Variants in SACS observed in about 807,000 individuals in gnomAD.
The protein encoded by SACS is sacsin.
In SACS, 197 loss-of-function variants were observed where a neutral mutation model predicts 348.0. That is an observed-to-expected ratio of 0.57 (90% CI 0.50 to 0.64). SACS has a LOEUF of 0.64. Among genes scored for constraint, SACS ranks in the 30% least tolerant of loss-of-function variants. SACS has a pLI of 0.00. For synonymous variants in SACS, 1,985 were observed against 1,910.6 expected (o/e 1.04, Z -1.02); for missense variants, 4,999 against 5,360.8 (o/e 0.93, Z 2.11).
In SACS at chr13:23,330,365, G is replaced by A; in HGVS notation, c.13511C>T (p.Ala4504Val). Residue 4504 changes from alanine to valine, a missense_variant, in exon 10 of 10, where the codon GCA becomes GTA. This residue lies in a region of SACS where 254 missense variants were observed against 275.1 expected (regional missense o/e 0.92). Coordinates refer to ENST00000382292, the MANE Select transcript of SACS (RefSeq NM_014363.6). ...ATATTCCTCTATTTTCTGAGCAAGT[G>A]CAGTTGGTTTTACATCTTTATCAGA... is the stretch of plus-strand genomic sequence containing the variant. Reference protein sequence around the residue: ...GKSDKDVKPTALAQKIEEYSQ... With the variant: ...GKSDKDVKPTVLAQKIEEYSQ... 1 of 1,614,156 alleles carries A rather than the reference G, an allele frequency of 6.2e-7. No individual in the cohort carries two copies. The highest frequency in any genetic ancestry group is 8.5e-7 in the Non-Finnish European group (1 of 1,180,020).
intron 2 of SACS, 76 bp downstream of exon 2, chr13:23,411,144 G>T: frequency 7.7e-7 from 1 of 1,296,462 alleles, no homozygotes; most frequent in Non-Finnish European, 1.1e-6. Flanking sequence ...TTTTGCCTAT[G>T]TTTCATTTGG....
intron 4 of SACS, among the ~76,000 whole-genome samples, chr13:23,370,289 A>T (rs1282236729): frequency 6.6e-6 from 1 of 152,244 alleles, no homozygotes; most frequent in South Asian, 2.1e-4. Flanking sequence ...TTTATTGAGT[A>T]CAACTCAAAT....
chr13:23,371,093 C>T lies in SACS; in HGVS notation c.244G>A (p.Gly82Ser). 6.2e-7 allele frequency: 1 copy of T among 1,604,590 alleles called. No individual in the cohort carries two copies. Among genetic ancestry groups the T allele is most frequent in the Non-Finnish European group, 8.5e-7 (1 of 1,171,766 alleles). ...AATATTATACCTCCCCCTTTTAAGC[C>T]TTTTGATTGAAGGTTTACAAAAAGA... ...CHLFVNLQSKGLKGGGRFGQT... is the reference protein window; with the variant it reads ...CHLFVNLQSKSLKGGGRFGQT... The change falls in exon 4 of 10, where the codon GGC becomes AGC. Residue 82 changes from glycine (G) to serine (S), a missense_variant. Gly to Ser is a moderately conservative substitution (Grantham distance 56, BLOSUM62 0). This residue lies in a region of SACS where 3,156 missense variants were observed against 3,380.1 expected (regional missense o/e 0.93). Coordinates refer to ENST00000382292, the MANE Select transcript of SACS (RefSeq NM_014363.6).
intron 2 of SACS, among the ~76,000 whole-genome samples, chr13:23,410,762 G>A (rs1005134490): frequency 1.3e-5 from 2 of 151,992 alleles, no homozygotes; most frequent in African/African-American, 4.8e-5. Flanking sequence ...TTGAGAAAAA[G>A]AGCAAGCATT....
rs1027336196 is a variant in SACS, at chr13:23,332,661, C to T, written c.11215G>A (p.Val3739Ile). Residue 3739 changes from valine to isoleucine, a missense_variant, in exon 10 of 10, where the codon GTT (valine) becomes ATT (isoleucine). Transcript: ENST00000382292. ...TTATCAAGAGGAGGATCCAGGTTAACATTAAGCATATTTAAAACTTGTTCA... is the reference window on the plus strand; with the variant it reads ...TTATCAAGAGGAGGATCCAGGTTAATATTAAGCATATTTAAAACTTGTTCA... ...QLEQVLNMLN[V>I]NLDPPLDKVI... The T allele has an allele frequency of 4.3e-6, 7 of 1,613,812 alleles. No individual in the cohort carries two copies. Among genetic ancestry groups the T allele is most frequent in the Middle Eastern group, 1.6e-4 (1 of 6,062 alleles).
At chr13:23,402,521 G>A (rs552077224) in intron 2 of SACS, among the ~76,000 whole-genome samples, 1 of 152,136 alleles carries the variant, frequency 6.6e-6, no homozygotes, top group East Asian at 1.9e-4. Context: ...ATTTGCATAA[G>A]TTCAATAGGA....
At chr13:23,402,362 T>G (rs1024766977) in intron 2 of SACS, among the ~76,000 whole-genome samples, 2 of 152,212 alleles carry the variant, frequency 1.3e-5, no homozygotes, top group African/African-American at 4.8e-5. Flanking sequence ...TCTGTTAAGC[T>G]ATCTATAACA....
At chr13:23,351,937 A>C (rs539047242) in intron 9 of SACS, among the ~76,000 whole-genome samples, 1 of 152,188 alleles carries the variant, frequency 6.6e-6, no homozygotes, top group Non-Finnish European at 1.5e-5. Flanking sequence ...AAGACATATA[A>C]AAGTGGGAAA....
intron 1 of SACS, among the ~76,000 whole-genome samples, chr13:23,424,867 A>G (rs971208364): frequency 1.3e-5 from 2 of 152,234 alleles, no homozygotes; most frequent in African/African-American, 4.8e-5. Flanking sequence ...GGTTTTGTAG[A>G]ATCTAAACAA....
Position 23,339,828 on chromosome 13 carries a change from G to A in SACS, c.4048C>T (p.Gln1350Ter). ...YLKSDQDLSE[Q>*]ESKQNLHLML... ...AGATGAAGATTTTGTTTGCTTTCTT[G>A]TTCACTGAGATCTTGGTCACTTTTG... The change falls in exon 10 of 10, where the codon CAA becomes TAA. Residue 1350 changes from glutamine (Q) to a stop codon, truncating the protein, a stop_gained. Transcript: ENST00000382292. LOFTEE classifies it high-confidence loss of function. The A allele has an allele frequency of 1.2e-6, 2 of 1,613,044 alleles. No homozygotes were observed. Among genetic ancestry groups the A allele is most frequent in the Non-Finnish European group, 1.7e-6 (2 of 1,179,484 alleles).
At chr13:23,373,273 T>A (rs1871507330) in intron 3 of SACS, 2 of 152,254 alleles carry the variant, frequency 1.3e-5, no homozygotes. Flanking sequence ...AATCAGCCTC[T>A]CCAACTGCCA....
intron 2 of SACS, among the ~76,000 whole-genome samples, chr13:23,380,616 C>T (rs1176065591): frequency 6.6e-6 from 1 of 152,178 alleles, no homozygotes; most frequent in Non-Finnish European, 1.5e-5. Context: ...GCTTTGCAAA[C>T]ACTATCTTAT....
intron 4 of SACS, among the ~76,000 whole-genome samples, chr13:23,370,015 C>T (rs1400568307): frequency 2.0e-5 from 3 of 151,918 alleles, no homozygotes; most frequent in Admixed American, 6.6e-5. Flanking sequence ...CGTGCCACTA[C>T]ACCTGGCTAA....
At position 23,355,261 on chromosome 13, in the gene SACS, G is replaced by A. The variant is rs1479070958; in HGVS notation, c.1351C>T (p.Pro451Ser). Residue 451 changes from proline to serine, a missense_variant, in exon 8 of 10, where the codon CCA (proline) becomes TCA (serine). Coordinates refer to ENST00000382292, the MANE Select transcript of SACS (RefSeq NM_014363.6). ...SGKAFCFLPL[P>S]PGEESSTGLP... ...CCTGTGCTGCTTTCCTCACCAGGTG[G>A]TAAAGGAAGGAAACAAAATGCTTTT... The A allele has an allele frequency of 1.2e-6, 2 of 1,614,186 alleles. No individual in the cohort carries two copies. The highest frequency in any genetic ancestry group is 1.7e-6 in the Non-Finnish European group (2 of 1,180,048).
At chr13:23,426,684 G>C (rs949814132) in intron 1 of SACS, among the ~76,000 whole-genome samples, 7 of 152,090 alleles carry the variant, frequency 4.6e-5, no homozygotes, top group Non-Finnish European at 7.4e-5. Context: ...GTCTGGAAAG[G>C]GGGGACAACT....
chr13:23,416,856 T>C (rs1443552438), intron 1 of SACS, among the ~76,000 whole-genome samples: 1 of 151,816 alleles, frequency 6.6e-6, no homozygotes, highest in Non-Finnish European at 1.5e-5. Flanking sequence ...CTATTTTTAC[T>C]CAGCATGTTT....
chr13:23,335,432 A>T lies in SACS; in HGVS notation c.8444T>A (p.Leu2815His). Reference sequence around the variant, plus strand: ...TCTATTACAAATTAGCCACGTAGTAAGATTTCCTTCAGAGTCCTCAGTATC... The same window carrying T: ...TCTATTACAAATTAGCCACGTAGTATGATTTCCTTCAGAGTCCTCAGTATC... The part of the protein sequence containing the change: ...TMDTEDSEGN[L>H]TTWLICNRSG... The change falls in exon 10 of 10, where the codon CTT becomes CAT. Residue 2815 changes from leucine to histidine, a missense_variant. Coordinates refer to ENST00000382292, the MANE Select transcript of SACS (RefSeq NM_014363.6). This position sits in a 1 kb window ranked among gnomAD's most constrained non-coding sequence, Gnocchi z 4.7. The T allele has an allele frequency of 6.2e-7, 1 of 1,613,922 alleles. No homozygotes were observed. Among genetic ancestry groups the T allele is most frequent in the African/African-American group, 1.3e-5 (1 of 75,044 alleles).
chr13:23,338,165 G>A lies in SACS; in HGVS notation c.5711C>T (p.Thr1904Ile), dbSNP rs758570844. 8 of 1,613,942 alleles carry A rather than the reference G, an allele frequency of 5.0e-6. No homozygotes were observed. The highest frequency in any genetic ancestry group is 1.3e-5 in the African/African-American group (1 of 74,882). ...GAACGTGGTATTCCATCGTCCTTTT[G>A]TATCTGTTTTCCAGATTTCTTTCCT... ...SNRKEIWKTD[T>I]KGRWNTTFMR... Residue 1904 changes from threonine (T) to isoleucine (I), a missense_variant, in exon 10 of 10, where the codon ACA becomes ATA. Thr to Ile is a moderately conservative substitution (Grantham distance 89). Transcript: ENST00000382292.
At chr13:23,353,667 A>C in intron 9 of SACS, 118 bp downstream of exon 9, 2 of 643,262 alleles carry the variant, frequency 3.1e-6, no homozygotes, top group Non-Finnish European at 2.8e-6. Flanking sequence ...CAAAAAGTTT[A>C]TTAGCTTGAG....
Sources: gnomAD v4.1 joint callset for allele counts (sites outside exome capture counted in the v4.1 genomes callset) on GRCh38, gnomAD v4.1.1 for gene constraint, gnomAD v4.1.1 regional missense constraint, Gnocchi (gnomAD v3.1) non-coding constraint, MANE v1.5 for transcripts, NCBI Gene and HGNC (gene_info 2026-07-23, HGNC 2026-07-21) for gene names.